The following PRKAA2 variants were observed in gnomAD, a reference collection of about 807,000 sequenced individuals.
The protein encoded by PRKAA2 is protein kinase AMP-activated catalytic subunit alpha 2.
PRKAA2 carries 40 observed loss-of-function variants against 56.3 expected under a neutral mutation model. The ratio of observed to expected loss-of-function variants is 0.71; its 90% CI spans 0.55 to 0.92. The LOEUF (loss-of-function observed/expected upper bound fraction) is 0.92. Ranked by LOEUF, PRKAA2 falls within the 40% of genes least tolerant of loss-of-function variation. PRKAA2 has a pLI of 0.00. For missense variants in PRKAA2, 542 were observed against 686.9 expected, an observed-to-expected ratio of 0.79 and a Z score of 2.36; for synonymous variants, 214 against 234.2, an observed-to-expected ratio of 0.91 and a Z score of 0.79.
At chr1:56,680,690 A>C (rs568313811) in intron 2 of PRKAA2, among the ~76,000 whole-genome samples, 2,553 of 152,218 alleles carry the variant, frequency 0.017, 56 homozygotes, top group African/African-American at 0.058. Flanking sequence ...ACATGAACTC[A>C]TCCTTTTTTA....
intron 6 of PRKAA2, among the ~76,000 whole-genome samples, chr1:56,701,618 C>T (rs756894419): frequency 6.6e-5 from 10 of 152,090 alleles, no homozygotes; most frequent in African/African-American, 9.6e-5. Flanking sequence ...AAGTTGTCGC[C>T]GGGCGCGGTG....
At chr1:56,705,903 T>C (rs1644328765) in intron 7 of PRKAA2, among the ~76,000 whole-genome samples, 189 bp from the exon 8 acceptor site, 1 of 152,208 alleles carries the variant, frequency 6.6e-6, no homozygotes, top group Non-Finnish European at 1.5e-5. Context: ...GCTTTTCCTT[T>C]AAATCTTAAT....
intron 1 of PRKAA2, among the ~76,000 whole-genome samples, chr1:56,671,835 C>T (rs1644079309): frequency 6.6e-6 from 1 of 152,152 alleles, no homozygotes. Context: ...CATCTATACA[C>T]TGGAGGGTAA....
chr1:56,685,059 C>T (rs1644181694), intron 2 of PRKAA2, among the ~76,000 whole-genome samples: 3 of 152,140 alleles, frequency 2.0e-5, no homozygotes, highest in Non-Finnish European at 4.4e-5. Context: ...GAGTGGTTGG[C>T]TGTGTGTGGT....
At chr1:56,691,547 G>A (rs1224564846) in intron 3 of PRKAA2, 60 bp downstream of exon 3, 2 of 1,337,368 alleles carry the variant, frequency 1.5e-6, no homozygotes, top group Non-Finnish European at 2.1e-6. Flanking sequence ...AAAGTATTGG[G>A]ACATAGAACA....
intron 6 of PRKAA2, among the ~76,000 whole-genome samples, chr1:56,696,842 C>T (rs1644261800): frequency 6.6e-6 from 1 of 151,988 alleles, no homozygotes; most frequent in Non-Finnish European, 1.5e-5. Flanking sequence ...ATATCCCACA[C>T]CTGTGTATAG....
chr1:56,673,195 G>A lies in PRKAA2; in HGVS notation c.95-1186G>A, dbSNP rs548227164. Among the ~76,000 whole-genome samples the A allele has an allele frequency of 2.6e-5, 4 of 151,966 alleles. No individual in the cohort carries two copies. In the South Asian group the frequency reaches 6.2e-4, roughly 24 times the overall value. ...AAGACCAGCCTGAGCAACATGGTGA[G>A]ACCCCATCTCTACAAAGATTTAAAG... On this transcript the variant is annotated intron_variant, in intron 1 of 8. Transcript: ENST00000371244.
At chr1:56,698,515 A>G (rs1189390423) in intron 6 of PRKAA2, among the ~76,000 whole-genome samples, 1 of 152,182 alleles carries the variant, frequency 6.6e-6, no homozygotes, top group Non-Finnish European at 1.5e-5. Context: ...ATGTTAAGTA[A>G]ATCTGTGTTT....
chr1:56,645,444 C>T lies in PRKAA2; in HGVS notation c.57C>T (p.Gly19=). 6.6e-7 allele frequency: 1 copy of T among 1,515,178 alleles called. No individual in the cohort carries two copies. The highest frequency in any genetic ancestry group is 8.9e-7 in the Non-Finnish European group (1 of 1,126,042). 93.9% of individuals were successfully genotyped at this position (1,515,178 alleles called of 1,614,324 possible). Residue 19 remains glycine (G), a synonymous_variant, in exon 1 of 9, where the codon GGC becomes GGT. Coordinates refer to ENST00000371244, the MANE Select transcript of PRKAA2 (RefSeq NM_006252.4). ...GRVKIGHYVL[G]DTLGVGTFGK... is the part of the protein sequence containing the mutation. Reference sequence around the variant, plus strand: ...TGAAGATCGGACACTACGTGCTGGGCGACACGCTGGGCGTCGGCACCTTCG... The same window carrying T: ...TGAAGATCGGACACTACGTGCTGGGTGACACGCTGGGCGTCGGCACCTTCG...
chr1:56,663,921 A>G (rs891810641), intron 1 of PRKAA2, among the ~76,000 whole-genome samples: 1 of 152,002 alleles, frequency 6.6e-6, no homozygotes, highest in Non-Finnish European at 1.5e-5. Flanking sequence ...GCAACATAGC[A>G]AGACCCTGTC....
At chr1:56,647,565 A>G (rs1358087557) in intron 1 of PRKAA2, among the ~76,000 whole-genome samples, 1 of 152,152 alleles carries the variant, frequency 6.6e-6, no homozygotes, top group African/African-American at 2.4e-5. Flanking sequence ...TTCCTGGAGA[A>G]CCTCTGTCCA....
intron 2 of PRKAA2, among the ~76,000 whole-genome samples, chr1:56,681,631 G>A (rs1186286922): frequency 6.6e-6 from 1 of 152,124 alleles, no homozygotes; most frequent in Non-Finnish European, 1.5e-5. Flanking sequence ...CCCATTTCTT[G>A]TTTTTGTCAG....
chr1:56,671,118 CTGTAA>C (rs1557549209), intron 1 of PRKAA2, among the ~76,000 whole-genome samples: 3 of 152,254 alleles, frequency 2.0e-5, no homozygotes, highest in African/African-American at 7.2e-5. Flanking sequence ...AAGTTTATAT[CTGTAA>C]TATACATAGA....
chr1:56,645,624 G>A, intron 1 of PRKAA2, 143 bp downstream of exon 1: 1 of 602,844 alleles, frequency 1.7e-6, no homozygotes, highest in Non-Finnish European at 2.3e-6. Flanking sequence ...CTGGGGCCCC[G>A]GGAGGGTGGC....
intron 1 of PRKAA2, among the ~76,000 whole-genome samples, chr1:56,670,858 T>C (rs1644070320): frequency 6.6e-6 from 1 of 152,208 alleles, no homozygotes; most frequent in African/African-American, 2.4e-5. Flanking sequence ...TTTATGAATA[T>C]GGTATATCTG....
intron 6 of PRKAA2, among the ~76,000 whole-genome samples, chr1:56,696,871 C>T (rs1392832857): frequency 6.6e-6 from 1 of 152,110 alleles, no homozygotes; most frequent in Admixed American, 6.5e-5. Flanking sequence ...TGATTCACTG[C>T]ATCCTGCCTA....
chr1:56,698,485 C>G (rs1007775300), intron 6 of PRKAA2, among the ~76,000 whole-genome samples: 4 of 152,118 alleles, frequency 2.6e-5, no homozygotes, highest in African/African-American at 7.2e-5. Context: ...GCAAAATGCA[C>G]AAGGTCTAAC....
chr1:56,694,599 G>T (rs1340685666), intron 5 of PRKAA2, among the ~76,000 whole-genome samples: 2 of 152,036 alleles, frequency 1.3e-5, no homozygotes, highest in Non-Finnish European at 2.9e-5. Context: ...TCTGGTGAGG[G>T]TCTGCTTCCT....
At chr1:56,694,331 T>C (rs1644245811) in intron 5 of PRKAA2, among the ~76,000 whole-genome samples, 1 of 152,214 alleles carries the variant, frequency 6.6e-6, no homozygotes, top group South Asian at 2.1e-4. Flanking sequence ...TATTCATTGG[T>C]ACATTATAAA....
Sources: gnomAD v4.1 joint callset for allele counts (sites outside exome capture counted in the v4.1 genomes callset) on GRCh38, gnomAD v4.1.1 for gene constraint, MANE v1.5 for transcripts, NCBI Gene and HGNC (gene_info 2026-07-23, HGNC 2026-07-21) for gene names.